The following GPHN variants were observed in gnomAD, a reference collection of about 807,000 sequenced individuals.
The protein encoded by GPHN is gephyrin.
Under a neutral mutation model 95.5 loss-of-function variants are expected in GPHN, and 17 were observed. The ratio of observed to expected loss-of-function variants is 0.18; its 90% CI spans 0.12 to 0.27. GPHN has a LOEUF of 0.27. Ranked by LOEUF, GPHN falls within the 10% of genes least tolerant of loss-of-function variation. The probability of loss-of-function intolerance (pLI) is 1.00; values close to 1 mark genes in which losing one functional copy is unlikely to be tolerated. For missense variants in GPHN, 660 were observed against 978.1 expected (o/e 0.67, Z 4.34); for synonymous variants, 320 against 322.5 (o/e 0.99, Z 0.08).
chr14:66,933,921 T>G (rs928798048), intron 8 of GPHN, among the ~76,000 whole-genome samples: 4 of 151,132 alleles, frequency 2.6e-5, no homozygotes, highest in African/African-American at 7.4e-5. Flanking sequence ...GGCAGATGTC[T>G]TAAACCCAGG....
At chr14:67,395,136 A>G in the GPHN span, among the ~76,000 whole-genome samples, 1 of 152,306 alleles carries the variant, frequency 6.6e-6, no homozygotes, top group East Asian at 1.9e-4. Context: ...CCTGGCTGAA[A>G]TGGAATGGGG....
chr14:67,161,483 C>T (rs1337420622), intron 19 of GPHN, among the ~76,000 whole-genome samples: 8 of 151,786 alleles, frequency 5.3e-5, no homozygotes, highest in Admixed American at 2.0e-4. Flanking sequence ...TGAATTGGGC[C>T]GAGTGCAGTG....
chr14:67,622,614 C>T, the GPHN span, among the ~76,000 whole-genome samples: 128 of 152,228 alleles, frequency 8.4e-4, 1 homozygote, highest in African/African-American at 2.9e-3. Flanking sequence ...TTTTTATTCC[C>T]GCCCATAAAT....
At chr14:67,252,733 G>A in the GPHN span, among the ~76,000 whole-genome samples, 3 of 152,150 alleles carry the variant, frequency 2.0e-5, no homozygotes, top group Non-Finnish European at 2.9e-5. Flanking sequence ...AAAAAAGCTC[G>A]GAATGGCACA....
At chr14:67,569,438 A>G in the GPHN span, among the ~76,000 whole-genome samples, 1 of 152,386 alleles carries the variant, frequency 6.6e-6, no homozygotes, top group African/African-American at 2.4e-5. Context: ...AGCCAGTCAC[A>G]GAGCTGGAAG....
At chr14:67,234,490 T>C in the GPHN span, among the ~76,000 whole-genome samples, 1 of 152,176 alleles carries the variant, frequency 6.6e-6, no homozygotes, top group Non-Finnish European at 1.5e-5. Context: ...AATCAGTGAC[T>C]TTACATGTCA....
At chr14:67,141,301 A>G (rs980005541) in intron 17 of GPHN, among the ~76,000 whole-genome samples, 7 of 152,150 alleles carry the variant, frequency 4.6e-5, no homozygotes, top group Admixed American at 1.3e-4. Context: ...TGGACCTTTC[A>G]TATTTAGCTC....
At chr14:67,409,032 T>C in the GPHN span, among the ~76,000 whole-genome samples, 1 of 131,176 alleles carries the variant, frequency 7.6e-6, no homozygotes, top group Non-Finnish European at 1.6e-5. Flanking sequence ...CTGGGCAACA[T>C]GGTGAGACAT....
chr14:67,295,185 G>T, the GPHN span, among the ~76,000 whole-genome samples: 1 of 151,754 alleles, frequency 6.6e-6, no homozygotes, highest in South Asian at 2.1e-4. Flanking sequence ...CTTGTTGGCT[G>T]GGTGCGGTCT....
At chr14:66,617,195 G>T (rs1436557816) in intron 1 of GPHN, among the ~76,000 whole-genome samples, 1 of 152,210 alleles carries the variant, frequency 6.6e-6, no homozygotes, top group African/African-American at 2.4e-5. Context: ...CTACCCCAAG[G>T]AGCTGAAATG....
At chr14:67,094,597 C>T (rs2077275595) in intron 12 of GPHN, among the ~76,000 whole-genome samples, 1 of 152,068 alleles carries the variant, frequency 6.6e-6, no homozygotes. Flanking sequence ...TGCTATCATG[C>T]CTCCGCTTCT....
At chr14:67,164,078 G>A (rs950706085) in intron 19 of GPHN, among the ~76,000 whole-genome samples, 3 of 151,898 alleles carry the variant, frequency 2.0e-5, no homozygotes, top group African/African-American at 2.4e-5. Flanking sequence ...AGACCAGCCT[G>A]ACCAACATGG....
the GPHN span, among the ~76,000 whole-genome samples, chr14:67,308,011 A>G: frequency 6.6e-6 from 1 of 152,144 alleles, no homozygotes; most frequent in Non-Finnish European, 1.5e-5. Context: ...GTTCTCTTAC[A>G]TGTGGGAGCT....
intron 2 of GPHN, among the ~76,000 whole-genome samples, chr14:66,721,406 T>C (rs936832761): frequency 6.6e-6 from 1 of 152,224 alleles, no homozygotes; most frequent in African/African-American, 2.4e-5. Context: ...ATGAATAACA[T>C]ATTGACAAAT....
At chr14:67,467,211 C>A in the GPHN span, 1 of 152,298 alleles carries the variant, frequency 6.6e-6, no homozygotes, top group East Asian at 1.9e-4. Context: ...ATCACAGGAA[C>A]TAGCCTGGTC....
the GPHN span, among the ~76,000 whole-genome samples, chr14:67,300,538 G>A: frequency 6.6e-6 from 1 of 152,126 alleles, no homozygotes; most frequent in African/African-American, 2.4e-5. Context: ...ATGTTGGCCA[G>A]GCTGGTCTCG....
intron 2 of GPHN, among the ~76,000 whole-genome samples, chr14:66,724,329 A>G (rs536571219): frequency 6.6e-6 from 1 of 152,264 alleles, no homozygotes; most frequent in East Asian, 1.9e-4. Context: ...TAAGTAGTAT[A>G]ATGGCAGCTG....
the GPHN span, among the ~76,000 whole-genome samples, chr14:67,484,360 G>A: frequency 6.6e-6 from 1 of 152,200 alleles, no homozygotes; most frequent in Non-Finnish European, 1.5e-5. Flanking sequence ...ACTGATGAGG[G>A]CAGGTATAAA....
intron 5 of GPHN, among the ~76,000 whole-genome samples, chr14:66,913,391 G>T (rs2065763953): frequency 6.6e-6 from 1 of 152,022 alleles, no homozygotes; most frequent in South Asian, 2.1e-4. Flanking sequence ...ACCCAGGCTG[G>T]AGTGCAATGG....
Sources: allele counts gnomAD v4.1 joint callset (sites outside exome capture counted in the v4.1 genomes callset), GRCh38; gene constraint gnomAD v4.1.1; transcripts MANE v1.5; gene names NCBI Gene and HGNC (gene_info 2026-07-23, HGNC 2026-07-21).